DNAH12: variants seen among roughly 807,000 people sequenced by gnomAD.
DNAH12 encodes dynein axonemal heavy chain 12.
A neutral mutation model predicts 371.5 loss-of-function variants in DNAH12; 285 were observed. The observed-to-expected ratio is 0.77, with a 90% CI of 0.70 to 0.85. The LOEUF is 0.85. Among genes scored for constraint, DNAH12 ranks in the 40% least tolerant of loss-of-function variants. DNAH12 has a pLI of 0.00. For synonymous variants in DNAH12, 1,200 were observed against 1,213.0 expected (o/e 0.99, Z 0.22); for missense variants, 3,611 against 3,689.4 (o/e 0.98, Z 0.55).
At chr3:57,408,632 C>G in intron 39 of DNAH12, 97 bp from the exon 40 acceptor site, 1 of 1,342,420 alleles carries the variant, frequency 7.4e-7, no homozygotes, top group Non-Finnish European at 9.7e-7. Flanking sequence ...CAGATTTTAG[C>G]TTCTCTAAAA....
intron 11 of DNAH12, among the ~76,000 whole-genome samples, chr3:57,499,802 C>T (rs2067469136): frequency 6.8e-6 from 1 of 147,854 alleles, no homozygotes; most frequent in Non-Finnish European, 1.5e-5. Context: ...CATGCCACTG[C>T]ACTCCAGCCT....
intron 55 of DNAH12, among the ~76,000 whole-genome samples, chr3:57,373,238 C>A (rs2063212561): frequency 6.6e-6 from 1 of 152,026 alleles, no homozygotes; most frequent in Non-Finnish European, 1.5e-5. Flanking sequence ...ATATTTGTCC[C>A]AAGCTAGACC....
intron 29 of DNAH12, among the ~76,000 whole-genome samples, chr3:57,437,917 A>G (rs1011118390): frequency 1.3e-5 from 2 of 152,288 alleles, no homozygotes; most frequent in South Asian, 4.1e-4. Context: ...TAATGCTGCA[A>G]CAAAACTCTG....
chr3:57,507,634 T>C lies in DNAH12; in HGVS notation c.897+9A>G, dbSNP rs1460459587. ...ACATTATCATTTAATATATATAAAG[T>C]GTATGTACCTGATTTGACATAAGTG... On this transcript the variant is annotated intron_variant, in intron 8 of 73. Transcript: ENST00000495027. 2 of 1,571,528 alleles carry C rather than the reference T, an allele frequency of 1.3e-6. No individual in the cohort carries two copies. Among genetic ancestry groups the C allele is most frequent in the South Asian group, 1.2e-5 (1 of 82,822 alleles).
Position 57,322,949 on chromosome 3 carries a change from A to T in DNAH12, c.10383+58T>A, listed in dbSNP as rs914223712. ...CGTCTCAAAACAAACAAACAAAACAAATAAGATATACAGATAGCTAAGTAA... is the reference window on the plus strand; with the variant it reads ...CGTCTCAAAACAAACAAACAAAACATATAAGATATACAGATAGCTAAGTAA... On this transcript the variant is annotated intron_variant, in intron 64 of 73. Transcript: ENST00000495027. The T allele has an allele frequency of 2.6e-6, 4 of 1,518,204 alleles. No homozygotes were observed. In the African/African-American group the frequency reaches 5.6e-5, roughly 21 times the overall value. The allele number at this position is 1,518,204 out of a possible 1,614,324, so 94.0% of individuals were successfully genotyped here.
intron 4 of DNAH12, chr3:57,519,566 T>G: frequency 2.9e-6 from 2 of 683,942 alleles, no homozygotes; most frequent in Non-Finnish European, 5.3e-6. Context: ...CGACTCCTAT[T>G]TGAAGAAGTA....
chr3:57,457,442 A>G (rs537781876), intron 22 of DNAH12, among the ~76,000 whole-genome samples: 23 of 152,256 alleles, frequency 1.5e-4, no homozygotes, highest in Admixed American at 1.4e-3. Flanking sequence ...CAGTTTCAAC[A>G]TCACCTTCTC....
intron 19 of DNAH12, 50 bp downstream of exon 19, chr3:57,461,439 G>C: frequency 6.6e-7 from 1 of 1,522,120 alleles, no homozygotes; most frequent in Non-Finnish European, 8.9e-7. Context: ...TATGTAATAG[G>C]ATTGCAATCC....
chr3:57,323,379 TACTA>T (rs2061855522), intron 63 of DNAH12, 86 bp downstream of exon 63: 3 of 1,470,512 alleles, frequency 2.0e-6, no homozygotes, highest in Admixed American at 2.7e-5. Context: ...ATATCAGATT[TACTA>T]ACTGATTTAT....
At chr3:57,392,219 T>C (rs989403512) in intron 44 of DNAH12, among the ~76,000 whole-genome samples, 153 bp from the exon 45 acceptor site, 1 of 152,180 alleles carries the variant, frequency 6.6e-6, no homozygotes, top group Non-Finnish European at 1.5e-5. Context: ...TTGACATAGT[T>C]TGTACTTAGA....
chr3:57,418,539 C>CA (rs779250987), intron 37 of DNAH12, among the ~76,000 whole-genome samples: 3,202 of 100,662 alleles, frequency 0.032, 64 homozygotes, highest in South Asian at 0.066. Flanking sequence ...GACCCTGTCT[C>CA]AAAAAAAAAA....
chr3:57,341,000 G>A (rs2062381614), intron 60 of DNAH12, among the ~76,000 whole-genome samples: 1 of 152,238 alleles, frequency 6.6e-6, no homozygotes, highest in Middle Eastern at 3.4e-3. Context: ...CACAAATAAT[G>A]TGAGACATCA....
At chr3:57,295,795 T>C (rs928543715) in intron 72 of DNAH12, among the ~76,000 whole-genome samples, 23 of 152,198 alleles carry the variant, frequency 1.5e-4, no homozygotes, top group Admixed American at 1.4e-3. Flanking sequence ...GGGTAAACAG[T>C]GGACACATAT....
At chr3:57,389,980 C>T (rs1270781109) in intron 45 of DNAH12, among the ~76,000 whole-genome samples, 2 of 149,962 alleles carry the variant, frequency 1.3e-5, no homozygotes, top group African/African-American at 2.4e-5. Context: ...GGACTACAGG[C>T]GTGCACCACC....
At chr3:57,511,437 T>C (rs1166033978) in intron 4 of DNAH12, among the ~76,000 whole-genome samples, 1 of 152,146 alleles carries the variant, frequency 6.6e-6, no homozygotes, top group Non-Finnish European at 1.5e-5. Flanking sequence ...GAATGAATAG[T>C]CTCACTAAAA....
At position 57,499,673 on chromosome 3, in the gene DNAH12, T is replaced by TATATATATATATATATACACACAC. The variant is rs771112538; in HGVS notation, c.1335+1647_1335+1648insGTGTGTGTATATATATATATATAT. On this transcript the variant is annotated intron_variant, in intron 11 of 73. Coordinates refer to ENST00000495027, the MANE Select transcript of DNAH12 (RefSeq NM_001366028.2). The stretch of plus-strand genomic sequence containing the variant: ...ATATATATATATATATATATATATA[T>TATATATATATATATATACACACAC]ATACTTCTTAAAAAAATTAGCCAGG... Among the ~76,000 whole-genome samples, 164 of 44,302 alleles carry TATATATATATATATATACACACAC rather than the reference T, an allele frequency of 3.7e-3. 3 individuals are homozygous for TATATATATATATATATACACACAC. The highest frequency in any genetic ancestry group is 6.0e-3 in the Non-Finnish European group (141 of 23,566). 29.1% of individuals were successfully genotyped at this position (44,302 alleles called of 152,430 possible).
chr3:57,297,858 C>T (rs1458119444), intron 70 of DNAH12, among the ~76,000 whole-genome samples: 2 of 152,204 alleles, frequency 1.3e-5, no homozygotes, highest in Admixed American at 1.3e-4. Context: ...ATCAGTGTAG[C>T]ATCAGTGACC....
chr3:57,367,392 A>G (rs2063074156), intron 56 of DNAH12, among the ~76,000 whole-genome samples: 1 of 152,190 alleles, frequency 6.6e-6, no homozygotes, highest in Non-Finnish European at 1.5e-5. Flanking sequence ...CAAGTAAGCA[A>G]TTATACAGCA....
intron 13 of DNAH12, among the ~76,000 whole-genome samples, chr3:57,478,794 T>C (rs1282536850): frequency 6.6e-6 from 1 of 152,152 alleles, no homozygotes; most frequent in African/African-American, 2.4e-5. Context: ...AAAAGAATTT[T>C]CAACCCAGAA....
Sources: allele counts gnomAD v4.1 joint callset (sites outside exome capture counted in the v4.1 genomes callset), GRCh38; gene constraint gnomAD v4.1.1; transcripts MANE v1.5; gene names NCBI Gene and HGNC (gene_info 2026-07-23, HGNC 2026-07-21).